WSCD1: variants seen among roughly 807,000 people sequenced by gnomAD.
WSCD1 encodes the protein sialate:O-sulfotransferase 1.
WSCD1 carries 41 observed loss-of-function variants against 60.4 expected under a neutral mutation model. The observed-to-expected ratio is 0.68, with a 90% CI of 0.53 to 0.88. The LOEUF is 0.88. WSCD1 is among the 40% of genes least tolerant of loss of function. The probability of loss-of-function intolerance (pLI) is 0.00; values close to 1 mark genes in which losing one functional copy is unlikely to be tolerated. For synonymous variants in WSCD1, 361 were observed against 332.5 expected (o/e 1.09, Z -0.93); for missense variants, 784 against 796.2 (o/e 0.98, Z 0.18).
intron 4 of WSCD1, among the ~76,000 whole-genome samples, chr17:6,091,538 G>C (rs1349627357): frequency 1.3e-5 from 2 of 152,188 alleles, no homozygotes; most frequent in Non-Finnish European, 2.9e-5. Context: ...GCTCAAAGGA[G>C]GAATGGGAAA....
intron 2 of WSCD1, among the ~76,000 whole-genome samples, chr17:6,082,792 G>A (rs1234949403): frequency 6.6e-6 from 1 of 152,190 alleles, no homozygotes; most frequent in African/African-American, 2.4e-5. Context: ...TGGGGCCTGG[G>A]TTAGGGAGGG....
intron 4 of WSCD1, among the ~76,000 whole-genome samples, chr17:6,091,696 G>A (rs967671279): frequency 6.6e-6 from 1 of 152,222 alleles, no homozygotes; most frequent in African/African-American, 2.4e-5. Context: ...TTGGGAAGGA[G>A]TCAGAGCCTG....
At chr17:6,089,831 C>T (rs970454078) in intron 3 of WSCD1, among the ~76,000 whole-genome samples, 2 of 152,206 alleles carry the variant, frequency 1.3e-5, no homozygotes, top group Non-Finnish European at 2.9e-5. Flanking sequence ...GAGGGACCAA[C>T]GGGGCTGGTT....
At chr17:6,120,189 A>G (rs1445675739) in intron 8 of WSCD1, 120 bp from the exon 9 acceptor site, 2 of 1,091,578 alleles carry the variant, frequency 1.8e-6, no homozygotes, top group Non-Finnish European at 1.3e-6. Context: ...TGCCAGGTTG[A>G]CTCTAGGCAG....
At chr17:6,119,591 A>G (rs1249588430) in intron 8 of WSCD1, among the ~76,000 whole-genome samples, 1 of 151,952 alleles carries the variant, frequency 6.6e-6, no homozygotes, top group Non-Finnish European at 1.5e-5. Context: ...CCCTTCCCCC[A>G]TCATCCTTTA....
chr17:6,112,130 T>G (rs1047803136), intron 7 of WSCD1, among the ~76,000 whole-genome samples: 2 of 152,094 alleles, frequency 1.3e-5, no homozygotes, highest in African/African-American at 4.8e-5. Flanking sequence ...AGTAGAAAGA[T>G]TTTAAATAAG....
chr17:6,083,452 G>A (rs960246814), intron 2 of WSCD1, among the ~76,000 whole-genome samples: 12 of 152,352 alleles, frequency 7.9e-5, no homozygotes, highest in Middle Eastern at 3.4e-3. Context: ...CACGTGCGAA[G>A]TGGGCTGTGG....
At chr17:6,098,097 C>T (rs1367182264) in intron 5 of WSCD1, among the ~76,000 whole-genome samples, 1 of 146,028 alleles carries the variant, frequency 6.8e-6, no homozygotes, top group Non-Finnish European at 1.5e-5. Flanking sequence ...ACTACAGGCA[C>T]ACACTACCAT....
intron 5 of WSCD1, among the ~76,000 whole-genome samples, chr17:6,098,156 T>TG (rs59928392): frequency 0.32 from 35,757 of 110,804 alleles, 5,492 homozygotes; most frequent in African/African-American, 0.44. Context: ...GGGGGCGGGG[T>TG]GGGGGGGGTC....
chr17:6,074,760 C>T (rs1908743441), intron 1 of WSCD1, among the ~76,000 whole-genome samples: 1 of 152,248 alleles, frequency 6.6e-6, no homozygotes, highest in Admixed American at 6.5e-5. Flanking sequence ...TGACGCCTCT[C>T]TCGCTAACCA....
chr17:6,084,363 G>A (rs1045248075), intron 2 of WSCD1, among the ~76,000 whole-genome samples: 1 of 152,214 alleles, frequency 6.6e-6, no homozygotes, highest in Non-Finnish European at 1.5e-5. Flanking sequence ...CCTTCCTGTC[G>A]TGGGGCTCCA....
At position 6,088,073 on chromosome 17, in the gene WSCD1, G is replaced by C. The variant is rs746466910; in HGVS notation, c.511G>C (p.Val171Leu). The change falls in exon 3 of 9, where the codon GTC (valine) becomes CTC (leucine). Residue 171 changes from valine (V) to leucine (L), a missense_variant. Transcript: ENST00000317744. ...GTTTTATGACTTGAGAAAGATGACT[G>C]TCTCCCACTGCCAGGATGCGTGTGC... is the stretch of plus-strand genomic sequence containing the variant. ...AVFYDLRKMT[V>L]SHCQDACAER... is the part of the protein sequence containing the mutation. 6.2e-7 allele frequency: 1 copy of C among 1,614,192 alleles called. No homozygotes were observed. Among genetic ancestry groups the C allele is most frequent in the Non-Finnish European group, 8.5e-7 (1 of 1,180,024 alleles).
At chr17:6,069,423 GT>G (rs1567546242), upstream of WSCD1, 29 of 293,896 alleles carry the variant, frequency 9.9e-5, no homozygotes, top group African/African-American at 8.1e-4. Context: ...GTGTGTGTGT[GT>G]GTGTGAGAGA....
intron 5 of WSCD1, among the ~76,000 whole-genome samples, chr17:6,099,842 T>C (rs1241430608): frequency 6.6e-6 from 1 of 152,164 alleles, no homozygotes; most frequent in Non-Finnish European, 1.5e-5. Flanking sequence ...CCTCCCTCTG[T>C]CTCTGTACGG....
chr17:6,091,925 G>A (rs899854353), intron 4 of WSCD1, among the ~76,000 whole-genome samples: 1 of 152,186 alleles, frequency 6.6e-6, no homozygotes, highest in Non-Finnish European at 1.5e-5. Flanking sequence ...GGGAGGCCAA[G>A]GCGGGCGAAT....
In WSCD1 at chr17:6,090,336, C is replaced by A. The variant is rs142468752; in HGVS notation, c.558C>A (p.Ala186=). The A allele has an allele frequency of 8.1e-6, 13 of 1,603,294 alleles. No homozygotes were observed. The highest frequency in any genetic ancestry group is 1.7e-5 in the Admixed American group (1 of 57,992). ...DACAERSYVY[A]GLEAGAECYC... ...CTCCCTGCAGGTCCTATGTCTACGC[C>A]GGCTTGGAGGCCGGGGCGGAGTGTT... Residue 186 remains alanine (A), a synonymous_variant, in exon 4 of 9, where the codon GCC becomes GCA. Coordinates refer to ENST00000317744, the MANE Select transcript of WSCD1 (RefSeq NM_015253.2).
At position 6,110,058 on chromosome 17, in the gene WSCD1, G is replaced by C. The variant is rs1911322242; in HGVS notation, c.1009+292G>C. The stretch of plus-strand genomic sequence containing the variant: ...AACAGAGAGGGGCAGGTCCTAGAGA[G>C]ATAGCAACAGAAAGGTGGTAGGATT... On this transcript the variant is annotated intron_variant, in intron 6 of 8. Coordinates refer to ENST00000317744, the MANE Select transcript of WSCD1 (RefSeq NM_015253.2). This position sits in a 1 kb window ranked among gnomAD's most constrained non-coding sequence, Gnocchi z 4.8. Among the ~76,000 whole-genome samples the C allele has an allele frequency of 6.6e-6, 1 of 152,174 alleles. No individual in the cohort carries two copies. Among genetic ancestry groups the C allele is most frequent in the African/African-American group, 2.4e-5 (1 of 41,438 alleles).
chr17:6,085,969 G>T (rs1374026124), intron 2 of WSCD1, among the ~76,000 whole-genome samples: 1 of 152,108 alleles, frequency 6.6e-6, no homozygotes, highest in African/African-American at 2.4e-5. Context: ...ATGTGCCTGT[G>T]GGCGTGGCCA....
At chr17:6,117,901 G>A in intron 7 of WSCD1, 87 bp from the exon 8 acceptor site, 4 of 1,406,948 alleles carry the variant, frequency 2.8e-6, no homozygotes, top group Non-Finnish European at 4.0e-6. Context: ...TGCCCCTGAT[G>A]CCAGCTTTAC....
Sources: gnomAD v4.1 joint callset for allele counts (sites outside exome capture counted in the v4.1 genomes callset) on GRCh38, gnomAD v4.1.1 for gene constraint, Gnocchi (gnomAD v3.1) non-coding constraint, MANE v1.5 for transcripts, NCBI Gene and HGNC (gene_info 2026-07-23, HGNC 2026-07-21) for gene names.